The following KCND2 variants were observed in gnomAD, a reference collection of about 807,000 sequenced individuals.
KCND2 encodes A-type voltage-gated potassium channel KCND2.
In KCND2, 16 loss-of-function variants were observed where a neutral mutation model predicts 54.4. That is an observed-to-expected ratio of 0.29 (90% CI 0.20 to 0.45). The LOEUF is 0.45. Ranked by LOEUF, KCND2 falls within the 20% of genes least tolerant of loss-of-function variation. The pLI, the probability that KCND2 is intolerant of heterozygous loss-of-function variation, is 1.00. For synonymous variants in KCND2, 317 were observed against 310.7 expected (o/e 1.02, Z -0.21); for missense variants, 486 against 824.2 (o/e 0.59, Z 5.02).
intron 1 of KCND2, among the ~76,000 whole-genome samples, chr7:120,703,844 A>G (rs1442630757): frequency 6.6e-6 from 1 of 152,158 alleles, no homozygotes; most frequent in African/African-American, 2.4e-5. Context: ...GATGAAAACC[A>G]AATCCCATCT....
intron 1 of KCND2, among the ~76,000 whole-genome samples, chr7:120,290,827 A>G (rs1346162830): frequency 6.6e-6 from 1 of 152,040 alleles, no homozygotes; most frequent in Non-Finnish European, 1.5e-5. Flanking sequence ...AGGCATATAC[A>G]GGGTCACCAG....
chr7:120,289,171 A>G (rs903390329), intron 1 of KCND2, among the ~76,000 whole-genome samples: 2 of 152,050 alleles, frequency 1.3e-5, no homozygotes, highest in African/African-American at 4.8e-5. Flanking sequence ...GGGACAAAGA[A>G]TAGAGTATAC....
intron 1 of KCND2, among the ~76,000 whole-genome samples, chr7:120,495,923 G>A (rs1802840821): frequency 6.6e-6 from 1 of 152,078 alleles, no homozygotes; most frequent in Admixed American, 6.6e-5. Context: ...CCGGGGACCA[G>A]TAGCAAGCAT....
chr7:120,444,310 G>A (rs1422169830), intron 1 of KCND2, among the ~76,000 whole-genome samples: 2 of 152,082 alleles, frequency 1.3e-5, no homozygotes, highest in Non-Finnish European at 2.9e-5. Flanking sequence ...GAAAGTTAGA[G>A]GTGAAATATA....
At chr7:120,374,969 C>G (rs898431266) in intron 1 of KCND2, among the ~76,000 whole-genome samples, 1 of 151,838 alleles carries the variant, frequency 6.6e-6, no homozygotes, top group Non-Finnish European at 1.5e-5. Context: ...GGAAAAGGAG[C>G]TAGTCAAATC....
chr7:120,375,957 G>T (rs1291878211), intron 1 of KCND2, among the ~76,000 whole-genome samples: 1 of 151,702 alleles, frequency 6.6e-6, no homozygotes, highest in Non-Finnish European at 1.5e-5. Flanking sequence ...AATCTGAGTT[G>T]TATATTGGGC....
At chr7:120,340,607 C>A (rs1800226269) in intron 1 of KCND2, among the ~76,000 whole-genome samples, 1 of 152,132 alleles carries the variant, frequency 6.6e-6, no homozygotes, top group Non-Finnish European at 1.5e-5. Context: ...GAAAGTATAT[C>A]AAGGACAATG....
intron 1 of KCND2, among the ~76,000 whole-genome samples, chr7:120,311,150 A>G (rs998885177): frequency 6.6e-6 from 1 of 151,954 alleles, no homozygotes; most frequent in African/African-American, 2.4e-5. Context: ...CCTTTTCTAT[A>G]TTTAGGTTCC....
chr7:120,367,048 A>G (rs1411593244), intron 1 of KCND2, among the ~76,000 whole-genome samples: 1 of 152,118 alleles, frequency 6.6e-6, no homozygotes, highest in African/African-American at 2.4e-5. Context: ...AAGGGGGTGT[A>G]GGTTTGCCGC....
At chr7:120,646,119 G>A (rs1793439364) in intron 1 of KCND2, among the ~76,000 whole-genome samples, 1 of 152,176 alleles carries the variant, frequency 6.6e-6, no homozygotes, top group Non-Finnish European at 1.5e-5. Flanking sequence ...TTGCAATCCT[G>A]ACACTACATT....
At chr7:120,330,328 C>T (rs957811949) in intron 1 of KCND2, among the ~76,000 whole-genome samples, 4 of 151,962 alleles carry the variant, frequency 2.6e-5, no homozygotes, top group African/African-American at 9.7e-5. Flanking sequence ...GCCTGTAATC[C>T]CAGCACTTTG....
chr7:120,424,600 G>A (rs1584773233), intron 1 of KCND2, among the ~76,000 whole-genome samples: 2 of 152,290 alleles, frequency 1.3e-5, no homozygotes, highest in East Asian at 1.9e-4. Flanking sequence ...ATATGGAGCT[G>A]TAGAGTTTCT....
chr7:120,674,895 T>C (rs983002132), intron 1 of KCND2, among the ~76,000 whole-genome samples: 1 of 152,200 alleles, frequency 6.6e-6, no homozygotes, highest in Non-Finnish European at 1.5e-5. Flanking sequence ...TGTAATACAA[T>C]TGATTCAAAA....
At chr7:120,455,084 G>C (rs72603600) in intron 1 of KCND2, among the ~76,000 whole-genome samples, 10,133 of 152,026 alleles carry the variant, frequency 0.067, 1,084 homozygotes, top group East Asian at 0.53. Context: ...GGAAGAATCA[G>C]GATTGTTAAA....
At chr7:120,693,372 C>T (rs1329082274) in intron 1 of KCND2, among the ~76,000 whole-genome samples, 1 of 152,084 alleles carries the variant, frequency 6.6e-6, no homozygotes, top group Admixed American at 6.5e-5. Flanking sequence ...GTTTGTCTGT[C>T]TTATTAGGTG....
intron 4 of KCND2, 77 bp downstream of exon 4, chr7:120,742,679 C>A (rs533143861): frequency 1.8e-6 from 2 of 1,104,234 alleles, no homozygotes; most frequent in East Asian, 4.7e-5. Context: ...TTAATGCTTC[C>A]GAGTGTGATT....
chr7:120,347,814 A>G (rs1800343319), intron 1 of KCND2, among the ~76,000 whole-genome samples: 1 of 151,976 alleles, frequency 6.6e-6, no homozygotes, highest in African/African-American at 2.4e-5. Flanking sequence ...TGTTCAGGCT[A>G]CTATAACAAA....
intron 1 of KCND2, among the ~76,000 whole-genome samples, chr7:120,309,464 T>TAC (rs1402553948): frequency 2.5e-5 from 3 of 119,188 alleles, no homozygotes; most frequent in African/African-American, 6.3e-5. Context: ...TATATATATA[T>TAC]ATATATATAT....
intron 1 of KCND2, among the ~76,000 whole-genome samples, chr7:120,715,587 T>C (rs543810767): frequency 1.3e-5 from 2 of 152,228 alleles, no homozygotes; most frequent in Non-Finnish European, 2.9e-5. Flanking sequence ...CCAGAATTAC[T>C]GTTACTGCAA....
Sources: allele counts gnomAD v4.1 joint callset (sites outside exome capture counted in the v4.1 genomes callset), GRCh38; gene constraint gnomAD v4.1.1; transcripts MANE v1.5; gene names NCBI Gene and HGNC (gene_info 2026-07-23, HGNC 2026-07-21).